Variants in PPP2R5C observed in about 807,000 individuals in gnomAD.
The protein encoded by PPP2R5C is protein phosphatase 2 regulatory subunit B'gamma.
A neutral mutation model predicts 68.9 loss-of-function variants in PPP2R5C; 7 were observed. The observed-to-expected ratio is 0.10, with a 90% CI of 0.06 to 0.19. The LOEUF is 0.19. PPP2R5C is among the 10% of genes least tolerant of loss of function. The pLI is 1.00. For synonymous variants in PPP2R5C, 210 were observed against 222.2 expected (o/e 0.95, Z 0.49); for missense variants, 348 against 641.3 (o/e 0.54, Z 4.94).
intron 2 of PPP2R5C, 111 bp downstream of exon 2, chr14:101,763,081 G>GT (rs142105397): frequency 0.065 from 45,627 of 704,100 alleles, 18 homozygotes; most frequent in South Asian, 0.09. Flanking sequence ...CCTATGTGAG[G>GT]TTTTTTTTTT....
chr14:101,861,448 C>G (rs1446750670), intron 2 of PPP2R5C, among the ~76,000 whole-genome samples: 2 of 152,160 alleles, frequency 1.3e-5, no homozygotes, highest in Non-Finnish European at 2.9e-5. Flanking sequence ...GAAATTTGTA[C>G]CGATGGTGCA....
intron 1 of PPP2R5C, among the ~76,000 whole-genome samples, chr14:101,844,476 G>A (rs1199876433): frequency 2.0e-5 from 3 of 152,186 alleles, no homozygotes; most frequent in East Asian, 3.8e-4. Context: ...GGGCCCGGTA[G>A]GTCCTGGCAC....
rs1053121639 is a variant in PPP2R5C, at chr14:101,781,372, G to A, written c.94-4646G>A. Among the ~76,000 whole-genome samples the A allele has an allele frequency of 2.6e-5, 4 of 152,184 alleles. No individual in the cohort carries two copies. The highest frequency in any genetic ancestry group is 9.6e-5 in the African/African-American group (4 of 41,452). ...CTCCCGGTGGCACAGCGACCTTGGC[G>A]GCTTTGGCCCCTGAGCCGCTAGGCT... On this transcript the variant is annotated intron_variant, in intron 2 of 14. Coordinates refer to the PPP2R5C transcript ENST00000328724. The surrounding 1 kb of genome is among the most constrained non-coding windows in gnomAD (Gnocchi z 6.4).
At chr14:101,890,982 A>T (rs1053196458) in intron 6 of PPP2R5C, among the ~76,000 whole-genome samples, 7 of 152,014 alleles carry the variant, frequency 4.6e-5, no homozygotes, top group African/African-American at 1.7e-4. Context: ...CATGTTGCCC[A>T]GGCTGGTCTC....
At chr14:101,785,348 G>T (rs1489778648) in intron 2 of PPP2R5C, among the ~76,000 whole-genome samples, 1 of 152,170 alleles carries the variant, frequency 6.6e-6, no homozygotes, top group African/African-American at 2.4e-5. Context: ...TGGCATGTAG[G>T]TCTGAAATGA....
At chr14:101,761,061 TGGAGGGAGAGGAGGGAAGGGGAGG>T (rs1566813402), upstream of PPP2R5C, among the ~76,000 whole-genome samples, 1 of 16,888 alleles carries the variant, frequency 5.9e-5, no homozygotes, top group African/African-American at 2.5e-4. Context: ...GGGAGGGGAG[TGGAGGGAGAGGAGGGAAGGGGAGG>T]GGAGGGAAGG....
At chr14:101,842,570 G>A (rs1427846408) in intron 1 of PPP2R5C, among the ~76,000 whole-genome samples, 1 of 152,170 alleles carries the variant, frequency 6.6e-6, no homozygotes, top group African/African-American at 2.4e-5. Context: ...GGGGAGCTGT[G>A]AGTCACCACC....
At chr14:101,907,718 G>A (rs532947237) in intron 10 of PPP2R5C, among the ~76,000 whole-genome samples, 29 of 152,220 alleles carry the variant, frequency 1.9e-4, no homozygotes, top group South Asian at 1.7e-3. Context: ...GGCCCGGTGC[G>A]GTCTCCTAAC....
At chr14:101,812,733 A>G (rs2039440428) in intron 1 of PPP2R5C, among the ~76,000 whole-genome samples, 1 of 152,182 alleles carries the variant, frequency 6.6e-6, no homozygotes, top group Non-Finnish European at 1.5e-5. Context: ...TTATTGATCC[A>G]TACCACATGC....
upstream of PPP2R5C, among the ~76,000 whole-genome samples, chr14:101,761,260 TGCA>T (rs1405623811): frequency 1.3e-5 from 2 of 152,204 alleles, no homozygotes; most frequent in African/African-American, 4.8e-5. Context: ...TTTCGCCGGC[TGCA>T]GAAGTTGTTG....
chr14:101,902,769 C>T (rs974198036), intron 9 of PPP2R5C, among the ~76,000 whole-genome samples: 4 of 152,142 alleles, frequency 2.6e-5, no homozygotes, highest in African/African-American at 9.7e-5. Context: ...CCAAACTGAG[C>T]CTTTCAAGAT....
At chr14:101,852,778 G>C (rs1441213363) in intron 1 of PPP2R5C, among the ~76,000 whole-genome samples, 1 of 152,036 alleles carries the variant, frequency 6.6e-6, no homozygotes, top group Non-Finnish European at 1.5e-5. Context: ...GGCCAGAATA[G>C]CACATTCTTA....
intron 1 of PPP2R5C, chr14:101,818,703 C>A: frequency 4.0e-6 from 1 of 247,138 alleles, no homozygotes; most frequent in Non-Finnish European, 8.0e-6. Context: ...TGTCATTTCC[C>A]TTTAGTTGTT....
At chr14:101,824,244 C>A (rs1366959736) in intron 1 of PPP2R5C, 2 of 1,127,422 alleles carry the variant, frequency 1.8e-6, no homozygotes, top group African/African-American at 1.6e-5. Flanking sequence ...TAGATATATT[C>A]TTTTTATTCG....
intron 1 of PPP2R5C, among the ~76,000 whole-genome samples, chr14:101,813,800 G>A (rs186474322): frequency 5.9e-5 from 9 of 152,342 alleles, no homozygotes; most frequent in African/African-American, 2.2e-4. Flanking sequence ...CCAGCCTGGT[G>A]GGATGTTGGA....
chr14:101,871,464 C>T (rs919876247), intron 2 of PPP2R5C, among the ~76,000 whole-genome samples: 3 of 152,068 alleles, frequency 2.0e-5, no homozygotes, highest in African/African-American at 4.8e-5. Flanking sequence ...AGGATGGTCT[C>T]GATCTCCTGA....
At chr14:101,897,526 C>T (rs1741135) in intron 8 of PPP2R5C, among the ~76,000 whole-genome samples, 10,510 of 151,660 alleles carry the variant, frequency 0.069, 471 homozygotes, top group South Asian at 0.12. Context: ...TTCCGATGTT[C>T]GAGGGCAGGA....
chr14:101,906,298 T>A lies in PPP2R5C; in HGVS notation c.1024-104T>A. On this transcript the variant is annotated intron_variant, in intron 9 of 13. Transcript: ENST00000334743. This position sits in a 1 kb window ranked among gnomAD's most constrained non-coding sequence, Gnocchi z 4.0. The stretch of plus-strand genomic sequence containing the variant: ...ATTTGTAGAAATAATCATAATTTTC[T>A]GGTCCAAGGTAGTTCATTACCCGAC... The A allele has an allele frequency of 8.4e-7, 1 of 1,191,282 alleles. No individual in the cohort carries two copies. Among genetic ancestry groups the A allele is most frequent in the South Asian group, 1.9e-5 (1 of 53,188 alleles). 73.8% of individuals were successfully genotyped at this position (1,191,282 alleles called of 1,614,324 possible).
chr14:101,787,081 G>C (rs186178369), intron 3 of PPP2R5C, among the ~76,000 whole-genome samples: 1 of 152,042 alleles, frequency 6.6e-6, no homozygotes, highest in Non-Finnish European at 1.5e-5. Flanking sequence ...GGGAGACTCC[G>C]TCTCTACAAA....
Sources: gnomAD v4.1 joint callset for allele counts (sites outside exome capture counted in the v4.1 genomes callset) on GRCh38, gnomAD v4.1.1 for gene constraint, Gnocchi (gnomAD v3.1) non-coding constraint, MANE v1.5 for transcripts, NCBI Gene and HGNC (gene_info 2026-07-23, HGNC 2026-07-21) for gene names.